Variants in GMDS observed in about 807,000 individuals in gnomAD.
The protein encoded by GMDS is GDP-mannose 4,6-dehydratase.
GMDS carries 20 observed loss-of-function variants against 49.9 expected under a neutral mutation model. The observed-to-expected ratio is 0.40, with a 90% CI of 0.28 to 0.58. The LOEUF (loss-of-function observed/expected upper bound fraction) is 0.58. GMDS is among the 20% of genes least tolerant of loss of function. GMDS has a pLI of 0.42. For missense variants in GMDS, 362 were observed against 481.4 expected, an observed-to-expected ratio of 0.75 and a Z score of 2.32; for synonymous variants, 177 against 178.6, an observed-to-expected ratio of 0.99 and a Z score of 0.07.
At position 1,643,687 on chromosome 6, in the gene GMDS, T is replaced by C. The variant is rs559910022; in HGVS notation, c.988-19147A>G. 2.3e-4 allele frequency among the ~76,000 whole-genome samples: 35 copies of C among 151,860 alleles called. No individual in the cohort carries two copies. In the East Asian group the frequency reaches 5.6e-3, roughly 24 times the overall value. On this transcript the variant is annotated intron_variant, in intron 9 of 10. Coordinates refer to ENST00000380815, the MANE Select transcript of GMDS (RefSeq NM_001500.4). Reference sequence around the variant, plus strand: ...CTGGGGACTGCTAATGGTTATGGAGTTTTTGCCTCCGGTGATGAAAATGCC... The same window carrying C: ...CTGGGGACTGCTAATGGTTATGGAGCTTTTGCCTCCGGTGATGAAAATGCC...
rs549908541 is a variant in GMDS, at chr6:2,114,976, A to AAAC, written c.345+794_345+795insGTT. Among the ~76,000 whole-genome samples the AAAC allele has an allele frequency of 5.8e-3, 833 of 142,956 alleles. 4 individuals carry two copies. Among genetic ancestry groups the AAAC allele is most frequent in the Non-Finnish European group, 9.3e-3 (581 of 62,718 alleles). The allele number at this position is 142,956 out of a possible 152,430, so 93.8% of individuals were successfully genotyped here. Reference sequence around the variant, plus strand: ...ACAAACAAACAAACAAACAAACAAAAAAAAACCTCATACATTTTCTGGACT... The same window carrying AAAC: ...ACAAACAAACAAACAAACAAACAAAAAACAAAAACCTCATACATTTTCTGGACT... On this transcript the variant is annotated intron_variant, in intron 4 of 10. Coordinates refer to ENST00000380815, the MANE Select transcript of GMDS (RefSeq NM_001500.4).
chr6:1,755,592 G>C (rs767339044), intron 7 of GMDS, among the ~76,000 whole-genome samples: 16 of 152,094 alleles, frequency 1.1e-4, no homozygotes, highest in Non-Finnish European at 1.9e-4. Context: ...AAAGAACAAA[G>C]CTGGAGGCAT....
chr6:1,984,073 A>G (rs528294713), intron 4 of GMDS, among the ~76,000 whole-genome samples: 57 of 152,340 alleles, frequency 3.7e-4, no homozygotes, highest in African/African-American at 1.3e-3. Flanking sequence ...TTTGTGGGAC[A>G]TGGATGGAGC....
At chr6:2,096,256 G>T (rs1773598772) in intron 4 of GMDS, among the ~76,000 whole-genome samples, 1 of 152,122 alleles carries the variant, frequency 6.6e-6, no homozygotes, top group South Asian at 2.1e-4. Flanking sequence ...GGCGTGAAAT[G>T]AAAGAAGTAA....
chr6:2,182,738 C>T (rs1561637956), intron 1 of GMDS, among the ~76,000 whole-genome samples: 1 of 152,208 alleles, frequency 6.6e-6, no homozygotes, highest in African/African-American at 2.4e-5. Context: ...CAGAGTATCA[C>T]TGTGTTGCCC....
chr6:2,122,487 C>T (rs920366685), intron 2 of GMDS, among the ~76,000 whole-genome samples: 1 of 152,158 alleles, frequency 6.6e-6, no homozygotes, highest in Non-Finnish European at 1.5e-5. Flanking sequence ...ATCTACTAAT[C>T]CTATTCTTTT....
At chr6:1,780,569 T>C (rs918011687) in intron 7 of GMDS, among the ~76,000 whole-genome samples, 52 of 152,184 alleles carry the variant, frequency 3.4e-4, no homozygotes, top group Admixed American at 3.4e-3. Flanking sequence ...CTTCCCCTCC[T>C]GCTTCCCAGC....
intron 4 of GMDS, among the ~76,000 whole-genome samples, chr6:2,064,878 T>A (rs760862833): frequency 1.3e-5 from 2 of 152,148 alleles, no homozygotes; most frequent in Non-Finnish European, 2.9e-5. Flanking sequence ...TCCTATAAAG[T>A]TCACAATAAC....
chr6:1,649,266 C>T (rs757325536), intron 9 of GMDS, among the ~76,000 whole-genome samples: 1 of 152,132 alleles, frequency 6.6e-6, no homozygotes, highest in Admixed American at 6.5e-5. Context: ...GGGTTTTATA[C>T]AGTCTTGCTG....
chr6:2,114,214 AAACT>A (rs1774716012), intron 4 of GMDS, among the ~76,000 whole-genome samples: 1 of 152,224 alleles, frequency 6.6e-6, no homozygotes, highest in Non-Finnish European at 1.5e-5. Context: ...TAGAGGTGAT[AAACT>A]ATCTATGATT....
rs558537235 is a variant in GMDS, at chr6:1,724,672, G to A, written c.987+1744C>T. Among the ~76,000 whole-genome samples the A allele has an allele frequency of 6.6e-5, 10 of 152,362 alleles. No homozygotes were observed. In the South Asian group the frequency reaches 2.1e-3, roughly 32 times the overall value. The stretch of plus-strand genomic sequence containing the variant: ...AATATGTGATCTGTGCAATGTTCCA[G>A]AAAATTGACATCTCTGTCGCACCTC... On this transcript the variant is annotated intron_variant, in intron 9 of 10. Transcript: ENST00000380815.
At chr6:1,949,182 T>A (rs1034278890) in intron 6 of GMDS, 1 of 197,776 alleles carries the variant, frequency 5.1e-6, no homozygotes, top group Non-Finnish European at 9.1e-6. Flanking sequence ...ACTGTATTAA[T>A]CTTTTCCCTG....
intron 7 of GMDS, among the ~76,000 whole-genome samples, chr6:1,882,452 A>C (rs1759407655): frequency 6.6e-6 from 1 of 152,262 alleles, no homozygotes. Flanking sequence ...GAAATAAACC[A>C]AAGTGTAATG....
chr6:1,733,453 G>C (rs1766893823), intron 8 of GMDS, among the ~76,000 whole-genome samples: 1 of 152,184 alleles, frequency 6.6e-6, no homozygotes, highest in South Asian at 2.1e-4. Flanking sequence ...GGGGGAGAGA[G>C]AGGCCAGGCA....
chr6:1,827,017 T>C (rs1345226998), intron 7 of GMDS, among the ~76,000 whole-genome samples: 1 of 151,866 alleles, frequency 6.6e-6, no homozygotes, highest in East Asian at 1.9e-4. Context: ...CAGTGAGCTA[T>C]GATTGTGGCC....
At chr6:1,695,322 T>C (rs1028285018) in intron 9 of GMDS, among the ~76,000 whole-genome samples, 2 of 152,140 alleles carry the variant, frequency 1.3e-5, no homozygotes, top group Non-Finnish European at 2.9e-5. Context: ...AACCAATGAA[T>C]AGCATTGAAA....
At chr6:2,192,005 C>T (rs534815066) in intron 1 of GMDS, among the ~76,000 whole-genome samples, 20 of 152,256 alleles carry the variant, frequency 1.3e-4, no homozygotes, top group Non-Finnish European at 2.2e-4. Flanking sequence ...ATAAAAGCCC[C>T]GGGCTCAGCT....
intron 10 of GMDS, 78 bp downstream of exon 10, chr6:1,624,394 A>G: frequency 7.3e-7 from 1 of 1,376,906 alleles, no homozygotes. Context: ...CAGGCGCCTC[A>G]GGCGCCCGAC....
At chr6:2,244,911 C>T (rs956896060) in intron 1 of GMDS, among the ~76,000 whole-genome samples, 3 of 152,152 alleles carry the variant, frequency 2.0e-5, no homozygotes, top group Admixed American at 6.5e-5. Flanking sequence ...CCCCTTGAGC[C>T]GAGACACATC....
Sources: gnomAD v4.1 joint callset for allele counts (sites outside exome capture counted in the v4.1 genomes callset) on GRCh38, gnomAD v4.1.1 for gene constraint, MANE v1.5 for transcripts, NCBI Gene and HGNC (gene_info 2026-07-23, HGNC 2026-07-21) for gene names.